The following MYO18A variants were observed in gnomAD, a reference collection of about 807,000 sequenced individuals.
MYO18A encodes myosin XVIIIA.
MYO18A carries 78 observed loss-of-function variants against 235.8 expected under a neutral mutation model. That is an observed-to-expected ratio of 0.33 (90% confidence interval 0.28 to 0.40). The LOEUF (loss-of-function observed/expected upper bound fraction) is 0.40, where lower values mean the gene tolerates loss of function less well. Ranked by LOEUF, MYO18A falls within the 10% of genes least tolerant of loss-of-function variation. The pLI, the probability that MYO18A is intolerant of heterozygous loss-of-function variation, is 1.00. For synonymous variants in MYO18A, 977 were observed against 1,077.8 expected (o/e 0.91, Z 1.83); for missense variants, 2,215 against 2,699.3 (o/e 0.82, Z 3.98).
At position 29,111,987 on chromosome 17, in the gene MYO18A, G is replaced by T; in HGVS notation, c.2599-124C>A. 8.0e-7 allele frequency: 1 copy of T among 1,247,494 alleles called. No individual in the cohort carries two copies. Among genetic ancestry groups the T allele is most frequent in the Non-Finnish European group, 1.1e-6 (1 of 911,610 alleles). The allele number at this position is 1,247,494 out of a possible 1,614,324, so 77.3% of individuals were successfully genotyped here. On this transcript the variant is annotated intron_variant, in intron 15 of 41. Coordinates refer to ENST00000527372, the MANE Select transcript of MYO18A (RefSeq NM_078471.4). This position sits in a 1 kb window ranked among gnomAD's most constrained non-coding sequence, Gnocchi z 5.1. ...TGTGCACACATGCACACACGCACATGCCGCAGCTCCTGCCGCTCACTGCTG... is the reference window on the plus strand; with the variant it reads ...TGTGCACACATGCACACACGCACATTCCGCAGCTCCTGCCGCTCACTGCTG...
chr17:29,140,419 T>A lies in MYO18A; in HGVS notation c.1000-18166A>T. ...CTCTGGCTCCGTTAGCAGCTCAAAA[T>A]AGCACAGGCTGTGGCCCCGCCCAGT... On this transcript the variant is annotated intron_variant, in intron 2 of 41. Coordinates refer to ENST00000527372, the MANE Select transcript of MYO18A (RefSeq NM_078471.4). This position sits in a 1 kb window ranked among gnomAD's most constrained non-coding sequence, Gnocchi z 4.2. 1 of 1,278,242 alleles carries A rather than the reference T, an allele frequency of 7.8e-7. No individual in the cohort carries two copies. The highest frequency in any genetic ancestry group is 1.3e-5 in the South Asian group (1 of 79,670). The allele number at this position is 1,278,242 out of a possible 1,614,324, so 79.2% of individuals were successfully genotyped here. A position where few individuals can be genotyped will look rare whatever the true frequency, so the allele number is the denominator to read the frequency against.
chr17:29,115,927 C>G, intron 11 of MYO18A, 87 bp from the exon 12 acceptor site: 1 of 1,454,808 alleles, frequency 6.9e-7, no homozygotes, highest in African/African-American at 1.4e-5. Context: ...GACTATGCAT[C>G]TTCTGGAGGC....
chr17:29,080,662 C>T (rs2066097655), intron 41 of MYO18A: 3 of 985,582 alleles, frequency 3.0e-6, no homozygotes, highest in Non-Finnish European at 3.6e-6. Flanking sequence ...CGAGGAGGCC[C>T]GGCTGACCGG....
rs1255410409 is a variant in MYO18A at position 29,091,314 on chromosome 17, C to T, written c.5188-388G>A. 4.0e-5 allele frequency: 13 copies of T among 325,356 alleles called. No individual in the cohort carries two copies. In the East Asian group the frequency reaches 8.4e-4, roughly 21 times the overall value. The allele number at this position is 325,356 out of a possible 1,614,324, so 20.2% of individuals were successfully genotyped here. ...CCCAGGGAAGGACCCCTCAAGTCTG[C>T]GAAGGTCTCCTGGCTTAGACTCTCA... On this transcript the variant is annotated intron_variant, in intron 34 of 41. Transcript: ENST00000527372.
chr17:29,105,192 A>G (rs1450287197), intron 20 of MYO18A, among the ~76,000 whole-genome samples: 10 of 150,720 alleles, frequency 6.6e-5, no homozygotes, highest in Admixed American at 4.0e-4. Context: ...AAAAAAAAAA[A>G]AAAAGAAAAG....
intron 2 of MYO18A, among the ~76,000 whole-genome samples, chr17:29,157,564 A>G (rs781695921): frequency 6.6e-6 from 1 of 152,234 alleles, no homozygotes; most frequent in Non-Finnish European, 1.5e-5. Context: ...ATACCTGTGC[A>G]ACCTTACACA....
Position 29,090,078 on chromosome 17 carries a change from C to A in MYO18A, c.5409G>T (p.Gln1803His). The A allele has an allele frequency of 6.2e-7, 1 of 1,613,296 alleles. No individual in the cohort carries two copies. The highest frequency in any genetic ancestry group is 8.5e-7 in the Non-Finnish European group (1 of 1,179,556). Residue 1803 changes from glutamine to histidine, a missense_variant, in exon 37 of 42, where the codon CAG (glutamine) becomes CAT (histidine). Coordinates refer to ENST00000527372, the MANE Select transcript of MYO18A (RefSeq NM_078471.4). The stretch of plus-strand genomic sequence containing the variant: ...CCATGGACTGCTCCAGGAACTCCAC[C>A]TGGCTCTGGAGGGCTTGTAGCTAGA... Reference protein sequence around the residue: ...LQEKLQALQSQVEFLEQSMVD... With the variant: ...LQEKLQALQSHVEFLEQSMVD...
chr17:29,093,919 C>CT, intron 31 of MYO18A, 61 bp downstream of exon 31: 1 of 1,289,638 alleles, frequency 7.8e-7, no homozygotes, highest in Non-Finnish European at 1.1e-6. Flanking sequence ...AAGCCCCTTA[C>CT]TTTAAAGCGG....
intron 41 of MYO18A, chr17:29,080,834 T>C (rs1030211015): frequency 2.0e-6 from 2 of 985,036 alleles, no homozygotes; most frequent in Admixed American, 6.1e-5. Flanking sequence ...TGGGCCTTCC[T>C]AGGGGGCCTC....
chr17:29,115,548 C>T (rs897487230), intron 12 of MYO18A, 107 bp from the exon 13 acceptor site: 100 of 1,474,048 alleles, frequency 6.8e-5, no homozygotes, highest in Non-Finnish European at 3.5e-5. Flanking sequence ...GGGGCAGGGC[C>T]TCTGCCACTG....
Position 29,150,528 on chromosome 17 carries a change from G to A in MYO18A, c.999+15414C>T, listed in dbSNP as rs538742386. On this transcript the variant is annotated intron_variant, in intron 2 of 41. Coordinates refer to ENST00000527372, the MANE Select transcript of MYO18A (RefSeq NM_078471.4). ...CAGCTCTTCCTTCTTGAGAGGAAGGGGAAATGCCACCATCCCCTGCCTTAC... is the reference window on the plus strand; with the variant it reads ...CAGCTCTTCCTTCTTGAGAGGAAGGAGAAATGCCACCATCCCCTGCCTTAC... Among the ~76,000 whole-genome samples, 4 of 152,362 alleles carry A rather than the reference G, an allele frequency of 2.6e-5. No homozygotes were observed. In the South Asian group the frequency reaches 8.3e-4, roughly 32 times the overall value.
At chr17:29,113,453 A>G (rs1052768149) in intron 15 of MYO18A, among the ~76,000 whole-genome samples, 4 of 152,190 alleles carry the variant, frequency 2.6e-5, no homozygotes, top group Non-Finnish European at 2.9e-5. Flanking sequence ...AGGGTGACAA[A>G]GCCTGCCCCC....
intron 2 of MYO18A, chr17:29,133,854 G>C (rs2067532906): frequency 7.8e-7 from 1 of 1,289,352 alleles, no homozygotes; most frequent in Non-Finnish European, 1.0e-6. Context: ...AAGGTAACCT[G>C]TGCCCTGGGT....
intron 19 of MYO18A, chr17:29,107,757 T>C (rs562837901): frequency 6.6e-6 from 1 of 152,018 alleles, no homozygotes; most frequent in South Asian, 2.1e-4. Flanking sequence ...CTACCAAAAG[T>C]ACAAAAAAGT....
rs61729549 is a variant in MYO18A, at chr17:29,115,718, G to A, written c.2173C>T (p.Arg725Cys). ...GGGCCCTGGCGGAAGGAGGTGGAGC[G>A]CTGCAGGGTGCCACCCTTGTGCTGG... ...KHQHKGGTLQ[R>C]STSFRQGPEE... The change falls in exon 12 of 42, where the codon CGC becomes TGC. Residue 725 changes from arginine to cysteine, a missense_variant. Arg to Cys is a radical substitution (Grantham distance 180). Transcript: ENST00000527372. The A allele has an allele frequency of 1.6e-4, 254 of 1,604,896 alleles. 1 individual carries two copies. The highest frequency in any genetic ancestry group is 5.7e-4 in the Middle Eastern group (3 of 5,292).
chr17:29,089,825 G>A (rs777538332), intron 37 of MYO18A, 136 bp downstream of exon 37: 329 of 1,162,780 alleles, frequency 2.8e-4, no homozygotes, highest in Non-Finnish European at 3.6e-4. Context: ...GCACCTGCCC[G>A]TCAGCTGGCC....
Position 29,110,629 on chromosome 17 carries a change from G to C in MYO18A, c.2901-7C>G. The stretch of plus-strand genomic sequence containing the variant: ...CAGGTTGCTGATGATTTTTCTGCCA[G>C]AGGTGGGAGGATAAGGGAGGAAAAG... On this transcript the variant is annotated splice_region_variant and splice_polypyrimidine_tract_variant and intron_variant, in intron 17 of 41. Coordinates refer to ENST00000527372, the MANE Select transcript of MYO18A (RefSeq NM_078471.4). 6.2e-7 allele frequency: 1 copy of C among 1,600,602 alleles called. No homozygotes were observed. The highest frequency in any genetic ancestry group is 8.5e-7 in the Non-Finnish European group (1 of 1,170,994).
At chr17:29,080,320 G>C in intron 41 of MYO18A, 1 of 986,154 alleles carries the variant, frequency 1.0e-6, no homozygotes, top group South Asian at 4.7e-5. Context: ...GCGGACGCTG[G>C]AGCTGGGAGG....
At position 29,073,831 on chromosome 17, in the gene MYO18A, A is replaced by T. The variant is rs1401178949; in HGVS notation, c.*939T>A. On this transcript the variant is annotated 3_prime_UTR_variant, in exon 42 of 42. Coordinates refer to ENST00000527372, the MANE Select transcript of MYO18A (RefSeq NM_078471.4). ...AGCACCGGCCAAAACTTCCATCTTC[A>T]GTTTTTCTGATCACAAGTCCTCAAC... is the stretch of plus-strand genomic sequence containing the variant. 1.3e-6 allele frequency: 2 copies of T among 1,565,860 alleles called. No individual in the cohort carries two copies. The highest frequency in any genetic ancestry group is 2.4e-5 in the South Asian group (2 of 84,996).
Sources: allele counts gnomAD v4.1 joint callset (sites outside exome capture counted in the v4.1 genomes callset), GRCh38; gene constraint gnomAD v4.1.1; non-coding constraint Gnocchi (gnomAD v3.1); transcripts MANE v1.5; gene names NCBI Gene and HGNC (gene_info 2026-07-23, HGNC 2026-07-21).